Variants in CDIN1 observed in about 807,000 individuals in gnomAD.
CDIN1 encodes CDAN1 interacting nuclease 1, also known as CDAN1-interacting nuclease 1.
CDIN1 carries 33 observed loss-of-function variants against 45.3 expected under a neutral mutation model. The observed-to-expected ratio is 0.73, with a 90% CI of 0.55 to 0.97. The LOEUF (loss-of-function observed/expected upper bound fraction) is 0.97, where lower values mean the gene tolerates loss of function less well. Ranked by LOEUF, CDIN1 falls within the 50% of genes least tolerant of loss-of-function variation. The probability of loss-of-function intolerance (pLI) is 0.00; values close to 1 mark genes in which losing one functional copy is unlikely to be tolerated. For missense variants in CDIN1, 303 were observed against 339.4 expected (o/e 0.89, Z 0.84); for synonymous variants, 118 against 124.4 (o/e 0.95, Z 0.34).
intron 5 of CDIN1, among the ~76,000 whole-genome samples, chr15:36,672,953 A>G (rs2041507570): frequency 6.6e-6 from 1 of 152,046 alleles, no homozygotes; most frequent in Admixed American, 6.6e-5. Context: ...ACTCTCTTTC[A>G]CGTGGATCTG....
At chr15:36,587,414 AATGAGTTGAAGCTGGCC>A (rs71126219) in intron 1 of CDIN1, among the ~76,000 whole-genome samples, 54,033 of 151,418 alleles carry the variant, frequency 0.36, 9,807 homozygotes, top group Middle Eastern at 0.46. Flanking sequence ...TTTACCAGAA[AATGAGTTGAAGCTGGCC>A]ATATTGTGTA....
chr15:36,763,181 C>A (rs896231270), intron 10 of CDIN1, among the ~76,000 whole-genome samples: 2 of 152,150 alleles, frequency 1.3e-5, no homozygotes, highest in South Asian at 4.1e-4. Context: ...TAATGATCGC[C>A]ATTCTAACTG....
chr15:36,617,902 A>T (rs1297344133), intron 1 of CDIN1: 3 of 767,936 alleles, frequency 3.9e-6, no homozygotes, highest in Non-Finnish European at 7.2e-6. Flanking sequence ...CAAGGATAAA[A>T]GCCATCAATA....
At chr15:36,702,224 G>C in intron 8 of CDIN1, 1 of 672,904 alleles carries the variant, frequency 1.5e-6, no homozygotes, top group Non-Finnish European at 2.7e-6. Flanking sequence ...TGTTTTTAGA[G>C]TAACAGGAAC....
chr15:36,700,718 A>G (rs1228224993), intron 8 of CDIN1, among the ~76,000 whole-genome samples: 1 of 151,676 alleles, frequency 6.6e-6, no homozygotes, highest in Non-Finnish European at 1.5e-5. Context: ...TTTTAAGTTC[A>G]TGCAAACGTG....
intron 5 of CDIN1, among the ~76,000 whole-genome samples, chr15:36,670,228 A>G (rs1178113033): frequency 1.3e-5 from 2 of 151,790 alleles, no homozygotes; most frequent in African/African-American, 4.8e-5. Flanking sequence ...TTAATTCCAT[A>G]CTCCTTCTTC....
At chr15:36,618,761 C>CA (rs34933565) in intron 1 of CDIN1, 93,364 of 590,864 alleles carry the variant, frequency 0.16, 4,032 homozygotes, top group Middle Eastern at 0.17. Context: ...ACAACTCAGC[C>CA]AAAAAAAAAA....
intron 10 of CDIN1, among the ~76,000 whole-genome samples, chr15:36,742,200 T>A (rs1045930306): frequency 6.6e-6 from 1 of 152,124 alleles, no homozygotes; most frequent in African/African-American, 2.4e-5. Flanking sequence ...AGGTCATTCA[T>A]CTGGACCACC....
At chr15:36,803,979 C>G (rs557158214) in intron 10 of CDIN1, among the ~76,000 whole-genome samples, 3 of 152,278 alleles carry the variant, frequency 2.0e-5, no homozygotes, top group Non-Finnish European at 4.4e-5. Context: ...GTTTAGTAAA[C>G]CGATCACTAC....
intron 1 of CDIN1, among the ~76,000 whole-genome samples, chr15:36,622,113 T>G (rs1298332902): frequency 6.6e-6 from 1 of 152,208 alleles, no homozygotes; most frequent in Non-Finnish European, 1.5e-5. Flanking sequence ...AAGTAAAGTG[T>G]TTGTTTCTTT....
chr15:36,626,687 A>T, intron 1 of CDIN1: 1 of 408,076 alleles, frequency 2.5e-6, no homozygotes, highest in East Asian at 8.2e-5. Context: ...TGAGCTTCCT[A>T]AGTGGGAGGA....
intron 10 of CDIN1, among the ~76,000 whole-genome samples, chr15:36,758,866 A>G (rs1479801993): frequency 6.6e-6 from 1 of 152,194 alleles, no homozygotes; most frequent in African/African-American, 2.4e-5. Flanking sequence ...ATACAGTTTC[A>G]CAAATATTGT....
intron 10 of CDIN1, among the ~76,000 whole-genome samples, chr15:36,785,456 G>C (rs545475091): frequency 6.8e-5 from 7 of 103,500 alleles, no homozygotes; most frequent in Admixed American, 5.6e-4. Flanking sequence ...TTACTAACCC[G>C]GGAGTCGAGT....
intron 10 of CDIN1, chr15:36,799,200 T>G (rs570651201): frequency 1.3e-5 from 2 of 150,978 alleles, no homozygotes; most frequent in East Asian, 3.9e-4. Flanking sequence ...TTGCACCCAG[T>G]GTCCACATGA....
chr15:36,701,340 T>C (rs573282533), intron 8 of CDIN1, among the ~76,000 whole-genome samples: 2 of 152,256 alleles, frequency 1.3e-5, no homozygotes, highest in African/African-American at 4.8e-5. Context: ...ATGTATTTCA[T>C]CTACTGGTAG....
intron 10 of CDIN1, among the ~76,000 whole-genome samples, chr15:36,778,682 G>A (rs2054278750): frequency 6.6e-6 from 1 of 152,182 alleles, no homozygotes. Flanking sequence ...AGGGGTGGGA[G>A]GGGAGAAAGT....
chr15:36,647,532 C>G (rs1488753852), intron 3 of CDIN1: 10 of 152,166 alleles, frequency 6.6e-5, no homozygotes, highest in Non-Finnish European at 1.5e-4. Flanking sequence ...CTTTACCAAC[C>G]TGCTGTCTGA....
At chr15:36,774,650 G>A (rs939569740) in intron 10 of CDIN1, among the ~76,000 whole-genome samples, 6 of 151,948 alleles carry the variant, frequency 3.9e-5, no homozygotes, top group African/African-American at 1.2e-4. Context: ...AGTTTTGTTG[G>A]TAGAACAGTT....
chr15:36,617,267 T>C (rs1848498258), intron 1 of CDIN1: 4 of 1,009,416 alleles, frequency 4.0e-6, no homozygotes, highest in Non-Finnish European at 6.4e-6. Context: ...AATGCAGAGC[T>C]CTCAGAAGAT....
Sources: allele counts gnomAD v4.1 joint callset (sites outside exome capture counted in the v4.1 genomes callset), GRCh38; gene constraint gnomAD v4.1.1; transcripts MANE v1.5; gene names NCBI Gene and HGNC (gene_info 2026-07-23, HGNC 2026-07-21).